IL16: variants seen among roughly 807,000 people sequenced by gnomAD.
IL16 encodes the protein pro-interleukin-16.
IL16 carries 67 observed loss-of-function variants against 110.1 expected under a neutral mutation model. That is an observed-to-expected ratio of 0.61 (90% CI 0.50 to 0.75). IL16 has a LOEUF of 0.75. Among genes scored for constraint, IL16 ranks in the 30% least tolerant of loss-of-function variants. The pLI is 0.00. For synonymous variants in IL16, 689 were observed against 662.9 expected (o/e 1.04, Z -0.61); for missense variants, 1,545 against 1,655.0 (o/e 0.93, Z 1.15).
chr15:81,212,231 A>T (rs1194489495), intron 1 of IL16, among the ~76,000 whole-genome samples: 1 of 151,468 alleles, frequency 6.6e-6, no homozygotes, highest in Non-Finnish European at 1.5e-5. Flanking sequence ...ATCTTTGGAG[A>T]TTGTGTGTTT....
chr15:81,300,458 C>T lies in IL16; in HGVS notation c.3132C>T (p.Asp1044=), dbSNP rs377339351. ...GTTCTGCTGAAACATCTGCCTTGGA[C>T]ACAGGGTTCTCGCTCAAGTGAGTTT... ...ANGSAETSAL[D]TGFSLNLSEL... The change falls in exon 14 of 19, where the codon GAC becomes GAT. Residue 1044 remains aspartate (D), a synonymous_variant. Transcript: ENST00000683961. 1.3e-5 allele frequency: 21 copies of T among 1,612,642 alleles called. No individual in the cohort carries two copies. Among genetic ancestry groups the T allele is most frequent in the Non-Finnish European group, 1.8e-5 (21 of 1,178,906 alleles).
intron 18 of IL16, among the ~76,000 whole-genome samples, chr15:81,307,060 G>A (rs1421573695): frequency 4.6e-5 from 7 of 152,186 alleles, no homozygotes; most frequent in Non-Finnish European, 7.3e-5. Flanking sequence ...AATGTTGATA[G>A]ATATTTTGTT....
intron 10 of IL16, among the ~76,000 whole-genome samples, chr15:81,287,690 G>A (rs28400335): frequency 2.5e-3 from 382 of 152,292 alleles, no homozygotes; most frequent in African/African-American, 8.8e-3. Flanking sequence ...ATCCAGCAAA[G>A]CCTGTGCTTT....
rs1900590084 is a variant in IL16 at position 81,306,771 on chromosome 15, C to T, written c.3805+226C>T. 1.4e-5 allele frequency: 8 copies of T among 583,570 alleles called. No individual in the cohort carries two copies. The East Asian group carries it at 2.7e-4, about 20-fold the overall frequency. 36.1% of individuals were successfully genotyped at this position (583,570 alleles called of 1,614,324 possible). On this transcript the variant is annotated intron_variant, in intron 18 of 18. Coordinates refer to ENST00000683961, the MANE Select transcript of IL16 (RefSeq NM_172217.5). Reference sequence around the variant, plus strand: ...CTGTTTTGATGGGTCTTCAAAAATACCTAAGTCCTGGGCTTGGTTCGGGTT... The same window carrying T: ...CTGTTTTGATGGGTCTTCAAAAATATCTAAGTCCTGGGCTTGGTTCGGGTT...
intron 2 of IL16, among the ~76,000 whole-genome samples, chr15:81,254,561 A>C (rs577329806): frequency 6.6e-6 from 1 of 152,278 alleles, no homozygotes; most frequent in East Asian, 1.9e-4. Flanking sequence ...AGAGACTGCT[A>C]CCCAGGTAAT....
intron 9 of IL16, among the ~76,000 whole-genome samples, chr15:81,283,064 G>T (rs1287295659): frequency 6.6e-6 from 1 of 152,218 alleles, no homozygotes; most frequent in African/African-American, 2.4e-5. Context: ...AGCCCCCAGG[G>T]CTAGCAGGAG....
chr15:81,216,678 G>A (rs1319098203), intron 1 of IL16, among the ~76,000 whole-genome samples: 1 of 151,946 alleles, frequency 6.6e-6, no homozygotes, highest in East Asian at 1.9e-4. Flanking sequence ...AGCAGCAGGA[G>A]GAGGAAGACA....
chr15:81,302,738 C>G (rs992911829), intron 15 of IL16, among the ~76,000 whole-genome samples: 1 of 152,164 alleles, frequency 6.6e-6, no homozygotes, highest in Admixed American at 6.5e-5. Context: ...ATATTGAATT[C>G]TATACATGAT....
chr15:81,259,685 T>A (rs1277567882), intron 2 of IL16, 87 bp from the exon 3 acceptor site: 1 of 775,226 alleles, frequency 1.3e-6, no homozygotes, highest in East Asian at 2.5e-5. Context: ...TCTGAGTACT[T>A]CTATGGTCAG....
chr15:81,280,035 C>CAG (rs143652892), intron 8 of IL16, among the ~76,000 whole-genome samples: 10 of 151,200 alleles, frequency 6.6e-5, no homozygotes, highest in South Asian at 6.2e-4. Flanking sequence ...CAAAAATACC[C>CAG]AGAGAGAGAG....
At position 81,300,329 on chromosome 15, in the gene IL16, C is replaced by G. The variant is rs373112565; in HGVS notation, c.3003C>G (p.Ser1001=). The G allele has an allele frequency of 1.4e-4, 224 of 1,614,074 alleles. No homozygotes were observed. Among genetic ancestry groups the G allele is most frequent in the Non-Finnish European group, 1.8e-4 (207 of 1,180,040 alleles). Residue 1001 remains serine (S), a synonymous_variant, in exon 14 of 19, where the codon TCC becomes TCG. Coordinates refer to ENST00000683961, the MANE Select transcript of IL16 (RefSeq NM_172217.5). ...SSQVSSAVMK[S]LLCLPSSISC... is the part of the protein sequence containing the mutation. ...AAGTGTCATCGGCTGTCATGAAATC[C>G]TTGCTGTGCCTTCCATCTTCTATCT...
intron 13 of IL16, among the ~76,000 whole-genome samples, chr15:81,298,229 CTT>C: frequency 6.6e-6 from 1 of 152,232 alleles, no homozygotes; most frequent in Middle Eastern, 3.2e-3. Flanking sequence ...CAGAATTTCT[CTT>C]TGATATCATC....
intron 2 of IL16, among the ~76,000 whole-genome samples, chr15:81,251,013 A>G (rs1378901809): frequency 1.3e-5 from 2 of 152,306 alleles, no homozygotes; most frequent in Non-Finnish European, 2.9e-5. Flanking sequence ...CCAGTTCATC[A>G]AATTATCTCA....
At chr15:81,285,556 C>G (rs1198311711) in intron 9 of IL16, 142 bp from the exon 10 acceptor site, 2 of 807,690 alleles carry the variant, frequency 2.5e-6, no homozygotes, top group Non-Finnish European at 3.9e-6. Flanking sequence ...GAGTTTTGGT[C>G]TGGTGGCTAG....
In IL16 at chr15:81,265,747, C is replaced by T; in HGVS notation, c.510C>T (p.Cys170=). ...APTDRQPYSL[C]SNRKSLSQQL... ...CGGACAGGCAGCCTTACTCTCTCTG[C>T]AGTAACAGGAAGTCCCTCTCTCAAC... is the stretch of plus-strand genomic sequence containing the variant. Residue 170 remains cysteine (C), a synonymous_variant, in exon 4 of 19, where the codon TGC becomes TGT. Coordinates refer to ENST00000683961, the MANE Select transcript of IL16 (RefSeq NM_172217.5). The T allele has an allele frequency of 6.2e-7, 1 of 1,613,864 alleles. No individual in the cohort carries two copies. Among genetic ancestry groups the T allele is most frequent in the Non-Finnish European group, 8.5e-7 (1 of 1,179,862 alleles).
chr15:81,281,181 T>C (rs561926814), intron 8 of IL16, among the ~76,000 whole-genome samples: 21 of 152,320 alleles, frequency 1.4e-4, no homozygotes, highest in South Asian at 4.1e-4. Context: ...TAAAATGGGA[T>C]TGCCAACAAT....
intron 2 of IL16, among the ~76,000 whole-genome samples, chr15:81,240,028 T>A (rs1190996705): frequency 6.6e-6 from 1 of 152,244 alleles, no homozygotes; most frequent in Admixed American, 6.5e-5. Context: ...AGTCAGTCTC[T>A]ACCATCTTGT....
intron 2 of IL16, among the ~76,000 whole-genome samples, chr15:81,226,447 A>T (rs1896790692): frequency 6.6e-6 from 1 of 152,224 alleles, no homozygotes; most frequent in Admixed American, 6.5e-5. Context: ...AAGAGTCCAG[A>T]TGGCCCTAAA....
chr15:81,215,729 G>A (rs556870432), intron 1 of IL16, among the ~76,000 whole-genome samples: 7 of 152,110 alleles, frequency 4.6e-5, no homozygotes, highest in Non-Finnish European at 5.9e-5. Flanking sequence ...ACCCTGGCCC[G>A]GGAACCCATT....
Sources: gnomAD v4.1 joint callset for allele counts (sites outside exome capture counted in the v4.1 genomes callset) on GRCh38, gnomAD v4.1.1 for gene constraint, MANE v1.5 for transcripts, NCBI Gene and HGNC (gene_info 2026-07-23, HGNC 2026-07-21) for gene names.